Variants in TNKS observed in about 807,000 individuals in gnomAD.
TNKS encodes tankyrase, also known as poly [ADP-ribose] polymerase tankyrase-1.
Under a neutral mutation model 135.8 loss-of-function variants are expected in TNKS, and 72 were observed. The observed-to-expected ratio is 0.53, with a 90% confidence interval of 0.44 to 0.64. The LOEUF is 0.64. Among genes scored for constraint, TNKS ranks in the 30% least tolerant of loss-of-function variants. TNKS has a pLI of 0.00. For missense variants in TNKS, 1,769 were observed against 1,674.0 expected (o/e 1.06, Z -0.99); for synonymous variants, 849 against 649.3 (o/e 1.31, Z -4.68).
chr8:9,760,558 G>C (rs527439065), intron 20 of TNKS, among the ~76,000 whole-genome samples: 3 of 152,104 alleles, frequency 2.0e-5, no homozygotes, highest in African/African-American at 7.2e-5. Flanking sequence ...CCAAGGCAGG[G>C]GAAAATCAAA....
chr8:9,675,687 TTGTTA>T (rs1802503377), intron 3 of TNKS, among the ~76,000 whole-genome samples: 1 of 152,238 alleles, frequency 6.6e-6, no homozygotes, highest in Admixed American at 6.5e-5. Context: ...AGTTGTTTGA[TTGTTA>T]TTACTATTTG....
chr8:9,559,456 C>G (rs754777725), intron 1 of TNKS, among the ~76,000 whole-genome samples: 1 of 151,802 alleles, frequency 6.6e-6, no homozygotes, highest in Non-Finnish European at 1.5e-5. Context: ...TTCTTTCCAA[C>G]TTTTAGGTTC....
chr8:9,675,911 T>C lies in TNKS; in HGVS notation c.995-4040T>C, dbSNP rs541550190. Among the ~76,000 whole-genome samples, 15 of 152,012 alleles carry C rather than the reference T, an allele frequency of 9.9e-5. No homozygotes were observed. The South Asian group carries it at 3.1e-3, about 32-fold the overall frequency. On this transcript the variant is annotated intron_variant, in intron 3 of 26. Transcript: ENST00000310430. Reference sequence around the variant, plus strand: ...GGGTTGAGGTGACACGGAGAAAGGGTGACTTTCAAATGACATTCCTCTACT... The same window carrying C: ...GGGTTGAGGTGACACGGAGAAAGGGCGACTTTCAAATGACATTCCTCTACT...
At position 9,726,180 on chromosome 8, in the gene TNKS, C is replaced by T. The variant is rs192724677; in HGVS notation, c.1922-461C>T. ...CTGAAGCAGGAGGATCACTTGAGCC[C>T]AGGAGTTTGTGACCAGCCTGGGCAA... On this transcript the variant is annotated intron_variant, in intron 12 of 26. Transcript: ENST00000310430. 1.8e-3 allele frequency among the ~76,000 whole-genome samples: 277 copies of T among 152,250 alleles called. 1 individual carries two copies. Among genetic ancestry groups the T allele is most frequent in the African/African-American group, 6.6e-3 (275 of 41,556 alleles).
In TNKS at chr8:9,748,212, A is replaced by T; in HGVS notation, c.2832A>T (p.Thr944=). ...GCCAGACGCCTCTGGATCTGGCAAC[A>T]GTAAGTCCTCATTTCAGATACTGAT... The part of the protein sequence containing the change: ...QEGQTPLDLA[T]ADDIRALLID... The change falls in exon 18 of 27, where the codon ACA becomes ACT. Residue 944 remains threonine, a splice_region_variant and synonymous_variant. Transcript: ENST00000310430. 6.5e-7 allele frequency: 1 copy of T among 1,535,508 alleles called. No homozygotes were observed. Among genetic ancestry groups the T allele is most frequent in the Non-Finnish European group, 8.8e-7 (1 of 1,139,254 alleles).
At chr8:9,684,819 G>C (rs942359739) in intron 5 of TNKS, among the ~76,000 whole-genome samples, 1 of 152,088 alleles carries the variant, frequency 6.6e-6, no homozygotes, top group Admixed American at 6.6e-5. Context: ...TGATGGTACT[G>C]GTTAACGGGG....
At chr8:9,616,639 A>G (rs553728377) in intron 3 of TNKS, among the ~76,000 whole-genome samples, 14 of 152,328 alleles carry the variant, frequency 9.2e-5, no homozygotes, top group African/African-American at 3.1e-4. Context: ...AGCTTTGAAA[A>G]TCTATGGAAT....
chr8:9,602,973 C>G (rs180722188), intron 2 of TNKS, among the ~76,000 whole-genome samples: 6 of 152,204 alleles, frequency 3.9e-5, no homozygotes, highest in Admixed American at 6.5e-5. Context: ...AGTTGAGAAA[C>G]TAGGTTTACA....
At chr8:9,624,903 T>C (rs1175630574) in intron 3 of TNKS, among the ~76,000 whole-genome samples, 1 of 152,144 alleles carries the variant, frequency 6.6e-6, no homozygotes, top group African/African-American at 2.4e-5. Flanking sequence ...CAGTGCTGTA[T>C]AAGTAGTTTT....
rs757681109 is a variant in TNKS at position 9,734,916 on chromosome 8, T to A, written c.2365T>A (p.Leu789Met). ...CAGAGATGGAAATACACCTTTGGAT[T>A]TGGTAAAGGAAGGAGACACAGATAT... is the stretch of plus-strand genomic sequence containing the variant. Reference protein sequence around the residue: ...KNRDGNTPLDLVKEGDTDIQD... With the variant: ...KNRDGNTPLDMVKEGDTDIQD... The change falls in exon 16 of 27, where the codon TTG becomes ATG. Residue 789 changes from leucine (L) to methionine (M), a missense_variant. Leu to Met is a conservative substitution (Grantham distance 15). This residue lies in a region of TNKS where 722 missense variants were observed against 688.9 expected (regional missense o/e 1.05). Transcript: ENST00000310430. 6.2e-7 allele frequency: 1 copy of A among 1,614,126 alleles called. No individual in the cohort carries two copies. Among genetic ancestry groups the A allele is most frequent in the South Asian group, 1.1e-5 (1 of 91,080 alleles).
chr8:9,653,900 T>A (rs1801241347), intron 3 of TNKS, among the ~76,000 whole-genome samples: 1 of 152,180 alleles, frequency 6.6e-6, no homozygotes, highest in Non-Finnish European at 1.5e-5. Flanking sequence ...GTCCTTTCCC[T>A]GCTACCAGAT....
chr8:9,710,264 A>G, intron 11 of TNKS, 44 bp downstream of exon 11: 1 of 1,579,690 alleles, frequency 6.3e-7, no homozygotes, highest in Non-Finnish European at 8.7e-7. Context: ...AGCACTGAGC[A>G]GCCAGCTGCT....
chr8:9,636,608 C>T (rs1428802158), intron 3 of TNKS, among the ~76,000 whole-genome samples: 2 of 152,120 alleles, frequency 1.3e-5, no homozygotes, highest in African/African-American at 4.8e-5. Context: ...ACTCTCCTTG[C>T]TTTCTATCTT....
intron 2 of TNKS, among the ~76,000 whole-genome samples, chr8:9,582,717 G>A (rs1220757888): frequency 6.6e-6 from 1 of 152,174 alleles, no homozygotes; most frequent in Non-Finnish European, 1.5e-5. Flanking sequence ...AAAATATTTA[G>A]AAGAGTACCA....
intron 20 of TNKS, among the ~76,000 whole-genome samples, chr8:9,753,998 A>G (rs1407186549): frequency 6.6e-6 from 1 of 152,296 alleles, no homozygotes; most frequent in African/African-American, 2.4e-5. Context: ...GCTTGTGGCC[A>G]TGCTACTCCA....
intron 9 of TNKS, among the ~76,000 whole-genome samples, chr8:9,708,722 C>G (rs1000394548): frequency 4.6e-5 from 7 of 152,044 alleles, no homozygotes; most frequent in Non-Finnish European, 8.8e-5. Flanking sequence ...TTACCTTTGT[C>G]TTCCCCACCT....
intron 3 of TNKS, among the ~76,000 whole-genome samples, chr8:9,649,526 G>A (rs945110066): frequency 3.3e-5 from 5 of 152,010 alleles, no homozygotes; most frequent in South Asian, 2.1e-4. Context: ...TTGGTTACAC[G>A]GAAAAGTTCT....
chr8:9,673,296 CATTG>C (rs892428049), intron 3 of TNKS, among the ~76,000 whole-genome samples: 101 of 152,010 alleles, frequency 6.6e-4, no homozygotes, highest in African/African-American at 1.0e-3. Context: ...TGTTTTAGGA[CATTG>C]ATTGAGGTTT....
chr8:9,625,832 A>G (rs1187494813), intron 3 of TNKS, among the ~76,000 whole-genome samples: 2 of 152,158 alleles, frequency 1.3e-5, no homozygotes, highest in East Asian at 1.9e-4. Flanking sequence ...GACATGGACT[A>G]TTTTTGTAAA....
Sources: allele counts gnomAD v4.1 joint callset (sites outside exome capture counted in the v4.1 genomes callset), GRCh38; gene constraint gnomAD v4.1.1; regional missense constraint gnomAD v4.1.1; transcripts MANE v1.5; gene names NCBI Gene and HGNC (gene_info 2026-07-23, HGNC 2026-07-21).